The following NKAIN3 variants were observed in gnomAD, a reference collection of about 807,000 sequenced individuals.
The protein encoded by NKAIN3 is sodium/potassium transporting ATPase interacting 3, also known as sodium/potassium-transporting ATPase subunit beta-1-interacting protein 3.
In NKAIN3, 25 loss-of-function variants were observed where a neutral mutation model predicts 30.2. The observed-to-expected ratio is 0.83, with a 90% CI of 0.60 to 1.16. The LOEUF (loss-of-function observed/expected upper bound fraction) is 1.16. Ranked by LOEUF, NKAIN3 falls within the 50% of genes most tolerant of loss-of-function variation. NKAIN3 has a pLI of 0.00. For synonymous variants in NKAIN3, 91 were observed against 89.6 expected (o/e 1.02, Z -0.09); for missense variants, 225 against 254.1 (o/e 0.89, Z 0.78).
At chr8:62,746,564 A>G (rs574929234) in intron 3 of NKAIN3, among the ~76,000 whole-genome samples, 1 of 152,322 alleles carries the variant, frequency 6.6e-6, no homozygotes, top group East Asian at 1.9e-4. Context: ...GCATTCAACA[A>G]TATTTATCCT....
chr8:62,555,641 AC>A (rs1809364057), intron 1 of NKAIN3, among the ~76,000 whole-genome samples: 1 of 152,056 alleles, frequency 6.6e-6, no homozygotes, highest in African/African-American at 2.4e-5. Context: ...ACAGAGATAT[AC>A]TAGGATAAGT....
chr8:62,890,011 T>C (rs1337260623), intron 4 of NKAIN3, among the ~76,000 whole-genome samples: 1 of 152,210 alleles, frequency 6.6e-6, no homozygotes, highest in East Asian at 1.9e-4. Context: ...AAGCTCTATA[T>C]TCACCTTCCC....
chr8:62,533,866 T>C lies in NKAIN3; in HGVS notation c.55-45673T>C, dbSNP rs370198140. ...ATGGAAAACAAAATTGTGATAATAC[T>C]TATTCTGCAATATCATCCAGACTTG... is the stretch of plus-strand genomic sequence containing the variant. On this transcript the variant is annotated intron_variant, in intron 1 of 6. Coordinates refer to ENST00000623646, the MANE Select transcript of NKAIN3 (RefSeq NM_001304533.3). Among the ~76,000 whole-genome samples the C allele has an allele frequency of 1.1e-3, 162 of 152,322 alleles. 3 individuals carry two copies. In the South Asian group the frequency reaches 0.031, roughly 29 times the overall value.
At position 62,969,645 on chromosome 8, in the gene NKAIN3, A is replaced by T. The variant is rs1012856774; in HGVS notation, c.*4238A>T. Among the ~76,000 whole-genome samples the T allele has an allele frequency of 6.6e-6, 1 of 152,200 alleles. No homozygotes were observed. The highest frequency in any genetic ancestry group is 2.1e-4 in the South Asian group (1 of 4,830). On this transcript the variant is annotated 3_prime_UTR_variant, in exon 7 of 7. Transcript: ENST00000623646. ...TTTTTGCCCAAGATACGTTCTTTCC[A>T]GGTATAGCTGAATTAAGTAGGAAAA...
intron 1 of NKAIN3, among the ~76,000 whole-genome samples, chr8:62,351,165 T>C (rs1470601407): frequency 6.7e-6 from 1 of 148,350 alleles, no homozygotes; most frequent in Non-Finnish European, 1.5e-5. Context: ...GATAATATAG[T>C]CATCCCTCTG....
chr8:62,450,105 G>A (rs183075338), intron 1 of NKAIN3, among the ~76,000 whole-genome samples: 144 of 152,220 alleles, frequency 9.5e-4, no homozygotes, highest in African/African-American at 2.1e-3. Context: ...AAGAGCACAG[G>A]AAATAAACAA....
At chr8:62,466,939 T>A (rs1480634097) in intron 1 of NKAIN3, among the ~76,000 whole-genome samples, 1 of 152,152 alleles carries the variant, frequency 6.6e-6, no homozygotes, top group Non-Finnish European at 1.5e-5. Flanking sequence ...GTTAATCAGA[T>A]CACACATTTG....
At chr8:62,562,712 A>G (rs939843331) in intron 1 of NKAIN3, among the ~76,000 whole-genome samples, 1 of 152,184 alleles carries the variant, frequency 6.6e-6, no homozygotes, top group Non-Finnish European at 1.5e-5. Context: ...AGAGTCACTT[A>G]TCTATAGCAT....
chr8:62,345,496 CATATATACACAT>C (rs1441459973), intron 1 of NKAIN3, among the ~76,000 whole-genome samples: 1 of 117,522 alleles, frequency 8.5e-6, no homozygotes, highest in African/African-American at 4.0e-5. Context: ...TATATACACA[CATATATACACAT>C]ATATACACAT....
chr8:62,701,311 A>T (rs1814324802), intron 3 of NKAIN3, among the ~76,000 whole-genome samples: 1 of 152,118 alleles, frequency 6.6e-6, no homozygotes, highest in Non-Finnish European at 1.5e-5. Context: ...ATGACCAGCC[A>T]TTTTTCAAAA....
chr8:62,412,456 A>C (rs1804270497), intron 1 of NKAIN3, among the ~76,000 whole-genome samples: 1 of 152,196 alleles, frequency 6.6e-6, no homozygotes, highest in Non-Finnish European at 1.5e-5. Flanking sequence ...CAAATATTTA[A>C]ATGTAAGACC....
intron 1 of NKAIN3, among the ~76,000 whole-genome samples, chr8:62,520,194 C>A (rs550425126): frequency 6.6e-6 from 1 of 152,198 alleles, no homozygotes; most frequent in East Asian, 1.9e-4. Context: ...CTCAGCATGA[C>A]CCTGTGGTGC....
intron 1 of NKAIN3, among the ~76,000 whole-genome samples, chr8:62,440,702 A>ATT (rs35092616): frequency 2.5e-4 from 37 of 147,260 alleles, no homozygotes; most frequent in Admixed American, 4.1e-4. Context: ...CTTCTTCTTT[A>ATT]TTTTTTTTTT....
intron 4 of NKAIN3, among the ~76,000 whole-genome samples, chr8:62,851,756 A>C (rs553216910): frequency 1.3e-5 from 2 of 152,182 alleles, no homozygotes; most frequent in African/African-American, 4.8e-5. Context: ...GCTGGATTAC[A>C]TTTATTGTTT....
At chr8:62,376,018 C>G (rs1817070228) in intron 1 of NKAIN3, among the ~76,000 whole-genome samples, 2 of 152,210 alleles carry the variant, frequency 1.3e-5, no homozygotes, top group Admixed American at 1.3e-4. Flanking sequence ...GATGCAATCT[C>G]TCTCCTAATG....
chr8:62,946,771 A>G (rs1823136146), intron 5 of NKAIN3, among the ~76,000 whole-genome samples: 2 of 152,224 alleles, frequency 1.3e-5, no homozygotes, highest in African/African-American at 2.4e-5. Flanking sequence ...AGCAGGAACA[A>G]TGATGGAACA....
chr8:62,799,850 G>A (rs1392948458), intron 4 of NKAIN3, among the ~76,000 whole-genome samples: 2 of 152,142 alleles, frequency 1.3e-5, no homozygotes, highest in African/African-American at 4.8e-5. Context: ...CATATATATA[G>A]TATGCAATAC....
In NKAIN3 at chr8:62,948,325, G is replaced by A. The variant is rs139793247; in HGVS notation, c.533-5577G>A. Among the ~76,000 whole-genome samples, 457 of 151,820 alleles carry A rather than the reference G, an allele frequency of 3.0e-3. 3 individuals are homozygous for A. Among genetic ancestry groups the A allele is most frequent in the African/African-American group, 1.0e-2 (412 of 41,378 alleles). ...AGCAATTTTCCTGCCTCAGCCTCCC[G>A]AGTAGCTGAGATTACAGGCACGCGC... On this transcript the variant is annotated intron_variant, in intron 5 of 6. Transcript: ENST00000623646.
chr8:62,985,103 T>C (rs1824176432), downstream of NKAIN3, among the ~76,000 whole-genome samples: 1 of 152,168 alleles, frequency 6.6e-6, no homozygotes, highest in Non-Finnish European at 1.5e-5. Flanking sequence ...TGAGCAACCC[T>C]GGAGAGCGTT....
Sources: allele counts gnomAD v4.1 joint callset (sites outside exome capture counted in the v4.1 genomes callset), GRCh38; gene constraint gnomAD v4.1.1; transcripts MANE v1.5; gene names NCBI Gene and HGNC (gene_info 2026-07-23, HGNC 2026-07-21).